The following TRPM3 variants were observed in gnomAD, a reference collection of about 807,000 sequenced individuals.
TRPM3 encodes long transient receptor potential channel 3.
A neutral mutation model predicts 181.2 loss-of-function variants in TRPM3; 77 were observed. The observed-to-expected ratio is 0.42, with a 90% CI of 0.35 to 0.51. The LOEUF (loss-of-function observed/expected upper bound fraction) is 0.51. Among genes scored for constraint, TRPM3 ranks in the 20% least tolerant of loss-of-function variants. TRPM3 has a pLI of 0.01. For synonymous variants in TRPM3, 745 were observed against 796.4 expected, an observed-to-expected ratio of 0.94 and a Z score of 1.09; for missense variants, 1,759 against 2,196.7, an observed-to-expected ratio of 0.80 and a Z score of 3.98.
At chr9:70,908,324 A>C (rs2096494952) in intron 1 of TRPM3, among the ~76,000 whole-genome samples, 1 of 152,222 alleles carries the variant, frequency 6.6e-6, no homozygotes, top group Non-Finnish European at 1.5e-5. Context: ...AAATAATATT[A>C]AATCATTTCA....
chr9:70,750,384 G>A (rs183040181), intron 8 of TRPM3, among the ~76,000 whole-genome samples: 1 of 152,348 alleles, frequency 6.6e-6, no homozygotes, highest in Admixed American at 6.5e-5. Context: ...ACATTAAATA[G>A]TTTGGACACT....
chr9:70,844,922 G>A (rs1222897425), intron 4 of TRPM3, among the ~76,000 whole-genome samples: 1 of 152,194 alleles, frequency 6.6e-6, no homozygotes, highest in African/African-American at 2.4e-5. Context: ...GGCCTGCTTA[G>A]TTGAGAGGGA....
At chr9:70,780,963 T>C (rs1004016839) in intron 7 of TRPM3, among the ~76,000 whole-genome samples, 16 of 111,288 alleles carry the variant, frequency 1.4e-4, no homozygotes, top group African/African-American at 5.1e-4. Flanking sequence ...AGATCCCATA[T>C]AGATTGTGCT....
At chr9:70,869,874 C>T (rs966812759) in intron 1 of TRPM3, among the ~76,000 whole-genome samples, 4 of 152,048 alleles carry the variant, frequency 2.6e-5, no homozygotes, top group African/African-American at 9.7e-5. Context: ...ATAGAAAGGG[C>T]TCTTTCATAT....
chr9:71,244,112 C>T (rs758476034), intron 1 of TRPM3, among the ~76,000 whole-genome samples: 28 of 152,228 alleles, frequency 1.8e-4, no homozygotes, highest in Middle Eastern at 3.4e-3. Flanking sequence ...CGTGAAGATA[C>T]TAGAAGTGGG....
At chr9:70,626,631 G>C (rs1010618294) in intron 12 of TRPM3, among the ~76,000 whole-genome samples, 4 of 152,132 alleles carry the variant, frequency 2.6e-5, no homozygotes, top group African/African-American at 9.7e-5. Flanking sequence ...TAGCTCCTCA[G>C]GTGATTCTGA....
chr9:71,146,935 C>T (rs551653038), intron 1 of TRPM3, among the ~76,000 whole-genome samples: 3 of 152,292 alleles, frequency 2.0e-5, no homozygotes, highest in Non-Finnish European at 4.4e-5. Flanking sequence ...CAGCCATTTG[C>T]TACCTAAAGA....
At chr9:71,399,629 C>G (rs1489836994) in intron 1 of TRPM3, among the ~76,000 whole-genome samples, 1 of 146,116 alleles carries the variant, frequency 6.8e-6, no homozygotes, top group Non-Finnish European at 1.5e-5. Context: ...CCTGGGTTCA[C>G]ACCATTATCC....
chr9:70,791,653 T>C (rs960784198), intron 6 of TRPM3, among the ~76,000 whole-genome samples: 6 of 152,158 alleles, frequency 3.9e-5, no homozygotes, highest in Non-Finnish European at 7.3e-5. Flanking sequence ...TTTAGCAAAT[T>C]TGGCTGGAGA....
chr9:71,013,434 T>C (rs1488660905), intron 1 of TRPM3, among the ~76,000 whole-genome samples: 1 of 152,060 alleles, frequency 6.6e-6, no homozygotes, highest in Non-Finnish European at 1.5e-5. Context: ...ATGCCATTCT[T>C]ATTTCGTGAG....
chr9:71,276,239 T>C (rs1369246091), intron 1 of TRPM3, among the ~76,000 whole-genome samples: 1 of 152,150 alleles, frequency 6.6e-6, no homozygotes, highest in Non-Finnish European at 1.5e-5. Context: ...CAATTCTTGA[T>C]GAATGAAGCA....
At chr9:70,911,014 G>A (rs550675680) in intron 1 of TRPM3, among the ~76,000 whole-genome samples, 1 of 152,264 alleles carries the variant, frequency 6.6e-6, no homozygotes, top group East Asian at 1.9e-4. Context: ...TGTTATTCAG[G>A]TTTACTGAGT....
chr9:71,328,894 C>A lies in TRPM3; in HGVS notation c.183+117759G>T, dbSNP rs917565511. The stretch of plus-strand genomic sequence containing the variant: ...AAAGCAATGTATCCCTATAACCATT[C>A]CCAGAGGCTGACACCTTTTGTACTC... On this transcript the variant is annotated intron_variant, in intron 1 of 24. Transcript: ENST00000357533. Among the ~76,000 whole-genome samples the A allele has an allele frequency of 4.6e-5, 7 of 152,186 alleles. No individual in the cohort carries two copies. In the South Asian group the frequency reaches 1.4e-3, roughly 32 times the overall value.
intron 1 of TRPM3, among the ~76,000 whole-genome samples, chr9:71,421,286 A>T (rs972658035): frequency 1.3e-5 from 2 of 151,834 alleles, no homozygotes; most frequent in African/African-American, 4.8e-5. Flanking sequence ...GACAAGATCA[A>T]TTGTACCCCA....
intron 1 of TRPM3, among the ~76,000 whole-genome samples, chr9:71,217,736 C>A (rs2079984040): frequency 6.6e-6 from 1 of 152,124 alleles, no homozygotes; most frequent in Non-Finnish European, 1.5e-5. Context: ...GTGAGGTAAT[C>A]CACCGGGGAA....
chr9:71,175,467 G>A (rs187795150), intron 1 of TRPM3, among the ~76,000 whole-genome samples: 32 of 152,286 alleles, frequency 2.1e-4, no homozygotes, highest in African/African-American at 7.5e-4. Context: ...AAAGATTAGA[G>A]GCCAAAGACA....
chr9:71,441,046 A>C (rs2094129822), intron 1 of TRPM3, among the ~76,000 whole-genome samples: 1 of 152,226 alleles, frequency 6.6e-6, no homozygotes, highest in African/African-American at 2.4e-5. Context: ...TCCAAACTTA[A>C]AGTATTTGAA....
chr9:70,830,275 C>G (rs547056345), intron 5 of TRPM3, among the ~76,000 whole-genome samples: 1 of 152,166 alleles, frequency 6.6e-6, no homozygotes, highest in African/African-American at 2.4e-5. Flanking sequence ...CTCAGCCAAG[C>G]TGATGTATTC....
chr9:71,286,614 A>C (rs118013741), intron 1 of TRPM3, among the ~76,000 whole-genome samples: 1 of 152,240 alleles, frequency 6.6e-6, no homozygotes, highest in Non-Finnish European at 1.5e-5. Flanking sequence ...GCAATGGAAA[A>C]CCCATATTTA....
Sources: allele counts gnomAD v4.1 joint callset (sites outside exome capture counted in the v4.1 genomes callset), GRCh38; gene constraint gnomAD v4.1.1; transcripts MANE v1.5; gene names NCBI Gene and HGNC (gene_info 2026-07-23, HGNC 2026-07-21).